Variants in NOC3L observed in about 807,000 individuals in gnomAD.
NOC3L encodes nucleolar complex protein 3 homolog.
Under a neutral mutation model 102.5 loss-of-function variants are expected in NOC3L, and 85 were observed. The ratio of observed to expected loss-of-function variants is 0.83; its 90% CI spans 0.70 to 0.99. The LOEUF is 0.99. NOC3L is among the 50% of genes least tolerant of loss of function. NOC3L has a pLI of 0.00. For missense variants in NOC3L, 878 were observed against 914.9 expected (o/e 0.96, Z 0.52); for synonymous variants, 303 against 309.4 (o/e 0.98, Z 0.22).
chr10:94,342,852 A>G (rs975154445), intron 13 of NOC3L, among the ~76,000 whole-genome samples: 1 of 152,132 alleles, frequency 6.6e-6, no homozygotes, highest in African/African-American at 2.4e-5. Context: ...TGGGAGGCCG[A>G]GGCGGATGGA....
chr10:94,358,004 G>T, intron 3 of NOC3L, 79 bp downstream of exon 3: 2 of 860,806 alleles, frequency 2.3e-6, no homozygotes, highest in South Asian at 2.8e-5. Flanking sequence ...TGAACACCTT[G>T]AACCACCTAA....
chr10:94,343,207 A>G (rs1554923545), intron 13 of NOC3L, among the ~76,000 whole-genome samples: 1 of 152,148 alleles, frequency 6.6e-6, no homozygotes, highest in Non-Finnish European at 1.5e-5. Context: ...ATGACCATAT[A>G]TTATTTTTTA....
At chr10:94,317,773 C>T in the NOC3L span, among the ~76,000 whole-genome samples, 12 of 152,100 alleles carry the variant, frequency 7.9e-5, no homozygotes, top group Non-Finnish European at 2.9e-5. Context: ...ACCCTACTAA[C>T]TTAAGAATGA....
At chr10:94,362,776 C>CT in intron 1 of NOC3L, 54 bp downstream of exon 1, 1 of 1,602,198 alleles carries the variant, frequency 6.2e-7, no homozygotes, top group Non-Finnish European at 8.6e-7. Context: ...GGCAGTGACT[C>CT]TATCACCCGA....
At chr10:94,325,234 G>A in the NOC3L span, 2 of 709,968 alleles carry the variant, frequency 2.8e-6, no homozygotes, top group East Asian at 5.4e-5. Context: ...GTAGGAATGG[G>A]ACCTTAAAAC....
At chr10:94,356,720 T>C in intron 4 of NOC3L, 129 bp from the exon 5 acceptor site, 1 of 639,282 alleles carries the variant, frequency 1.6e-6, no homozygotes, top group Non-Finnish European at 2.8e-6. Context: ...GCACAATTAG[T>C]GATTGAGGTG....
the NOC3L span, among the ~76,000 whole-genome samples, chr10:94,320,559 C>CTGGT: frequency 6.6e-6 from 1 of 152,208 alleles, no homozygotes; most frequent in African/African-American, 2.4e-5. Flanking sequence ...ATGGATTCTT[C>CTGGT]TGGTTAGTTA....
intron 9 of NOC3L, 30 bp from the exon 10 acceptor site, chr10:94,349,408 T>G: frequency 1.3e-6 from 2 of 1,564,012 alleles, no homozygotes; most frequent in Non-Finnish European, 1.7e-6. Context: ...ACTTAACCAG[T>G]GTTTCTCAAC....
chr10:94,323,731 T>C, the NOC3L span, among the ~76,000 whole-genome samples: 1 of 152,262 alleles, frequency 6.6e-6, no homozygotes, highest in Non-Finnish European at 1.5e-5. Context: ...TGACTTTGAA[T>C]TCCAAAGGGC....
the NOC3L span, chr10:94,315,239 C>T: frequency 2.9e-6 from 1 of 343,906 alleles, no homozygotes; most frequent in Non-Finnish European, 5.7e-6. Context: ...CCTTCACTCC[C>T]ACTGCCCTCA....
In NOC3L at chr10:94,347,156, C is replaced by T. The variant is rs563583000; in HGVS notation, c.1258-600G>A. Reference sequence around the variant, plus strand: ...CTTTCTCTGGATGAAATCACCCTACCGACCTCCCGCAGGCACAGCAGCATT... The same window carrying T: ...CTTTCTCTGGATGAAATCACCCTACTGACCTCCCGCAGGCACAGCAGCATT... On this transcript the variant is annotated intron_variant, in intron 10 of 20. Coordinates refer to ENST00000371361, the MANE Select transcript of NOC3L (RefSeq NM_022451.11). 1.4e-4 allele frequency among the ~76,000 whole-genome samples: 22 copies of T among 152,218 alleles called. 1 individual carries two copies. In the South Asian group the frequency reaches 4.4e-3, roughly 30 times the overall value.
chr10:94,342,380 T>C (rs1369795639), intron 13 of NOC3L, among the ~76,000 whole-genome samples: 1 of 152,140 alleles, frequency 6.6e-6, no homozygotes. Context: ...TCTTCAATAT[T>C]AGCAAGAAGT....
chr10:94,353,085 G>A, intron 6 of NOC3L, 28 bp from the exon 7 acceptor site: 2 of 1,553,770 alleles, frequency 1.3e-6, no homozygotes, highest in Non-Finnish European at 1.7e-6. Flanking sequence ...TATAAAGCTG[G>A]AGAAATCATG....
the NOC3L span, among the ~76,000 whole-genome samples, chr10:94,317,039 T>TC: frequency 6.6e-6 from 1 of 152,132 alleles, no homozygotes; most frequent in African/African-American, 2.4e-5. Context: ...TCACTTGAGG[T>TC]CAGGAGTTCA....
At chr10:94,358,313 T>C (rs2054512887) in intron 2 of NOC3L, 98 bp from the exon 3 acceptor site, 1 of 719,148 alleles carries the variant, frequency 1.4e-6, no homozygotes, top group Admixed American at 2.3e-5. Flanking sequence ...AAGCTTACGC[T>C]TTCTGAAGCA....
At chr10:94,329,020 T>G (rs1421634771), downstream of NOC3L, 6 of 152,202 alleles carry the variant, frequency 3.9e-5, no homozygotes, top group African/African-American at 1.4e-4. Flanking sequence ...CTTATATATT[T>G]ATTATACATC....
At chr10:94,355,932 G>C (rs1018618438) in intron 5 of NOC3L, among the ~76,000 whole-genome samples, 1 of 152,122 alleles carries the variant, frequency 6.6e-6, no homozygotes, top group Non-Finnish European at 1.5e-5. Context: ...ATGGTTTTAT[G>C]ATGGGTGACT....
chr10:94,316,783 C>T, the NOC3L span: 2 of 1,508,870 alleles, frequency 1.3e-6, no homozygotes, highest in African/African-American at 1.4e-5. Flanking sequence ...GCAGCCTACA[C>T]AGTAACGACT....
At chr10:94,321,646 AC>A in the NOC3L span, among the ~76,000 whole-genome samples, 1 of 148,964 alleles carries the variant, frequency 6.7e-6, no homozygotes, top group Non-Finnish European at 1.5e-5. Flanking sequence ...AAAAAAAAAA[AC>A]CCACAGCTAA....
Sources: allele counts gnomAD v4.1 joint callset (sites outside exome capture counted in the v4.1 genomes callset), GRCh38; gene constraint gnomAD v4.1.1; transcripts MANE v1.5; gene names NCBI Gene and HGNC (gene_info 2026-07-23, HGNC 2026-07-21).